FCSK: variants seen among roughly 807,000 people sequenced by gnomAD.
The protein encoded by FCSK is fucose kinase, also known as L-fucose kinase.
In FCSK, 123 loss-of-function variants were observed where a neutral mutation model predicts 122.5. That is an observed-to-expected ratio of 1.00 (90% CI 0.87 to 1.17). The LOEUF (loss-of-function observed/expected upper bound fraction) is 1.17, where lower values mean the gene tolerates loss of function less well. Ranked by LOEUF, FCSK falls within the 50% of genes most tolerant of loss-of-function variation. The probability of loss-of-function intolerance (pLI) is 0.00; values close to 1 mark genes in which losing one functional copy is unlikely to be tolerated. For synonymous variants in FCSK, 620 were observed against 625.5 expected, an observed-to-expected ratio of 0.99 and a Z score of 0.13; for missense variants, 1,366 against 1,450.4, an observed-to-expected ratio of 0.94 and a Z score of 0.95.
chr16:70,465,061 G>C (rs1430015335), intron 3 of FCSK, 65 bp from the exon 4 acceptor site: 1 of 1,600,704 alleles, frequency 6.2e-7, no homozygotes, highest in Non-Finnish European at 8.5e-7. Flanking sequence ...CTCTGGATTC[G>C]AGGGTGCCAT....
chr16:70,472,659 T>C (rs2048664765), intron 14 of FCSK, 54 bp downstream of exon 14: 3 of 1,413,632 alleles, frequency 2.1e-6, no homozygotes, highest in African/African-American at 1.4e-5. Context: ...GGGTGGCTGC[T>C]GCTCTTTGAG....
chr16:70,472,881 G>T, intron 14 of FCSK, 102 bp from the exon 15 acceptor site: 1 of 1,385,420 alleles, frequency 7.2e-7, no homozygotes, highest in South Asian at 1.5e-5. Flanking sequence ...CTACCTCGGA[G>T]GAGTCTGTCC....
intron 1 of FCSK, among the ~76,000 whole-genome samples, chr16:70,462,018 C>T (rs1043841076): frequency 2.0e-5 from 3 of 152,138 alleles, no homozygotes; most frequent in South Asian, 4.1e-4. Context: ...CCCATCCATG[C>T]GAGGGATCAC....
Position 70,474,984 on chromosome 16 carries a change from C to G in FCSK, c.2350C>G (p.Arg784Gly). 1 of 1,607,466 alleles carries G rather than the reference C, an allele frequency of 6.2e-7. No individual in the cohort carries two copies. Among genetic ancestry groups the G allele is most frequent in the Non-Finnish European group, 8.5e-7 (1 of 1,177,846 alleles). ...AGTGTGCCGGTGCCTGGCTGACCTG[C>G]GGGACTACTGCCAGCCTCATGCCCC... ...KIVCRCLADL[R>G]DYCQPHAPGA... The change falls in exon 18 of 24, where the codon CGG becomes GGG. Residue 784 changes from arginine to glycine, a missense_variant. Transcript: ENST00000288078.
intron 3 of FCSK, among the ~76,000 whole-genome samples, 189 bp downstream of exon 3, chr16:70,463,963 T>C (rs182802365): frequency 5.3e-5 from 8 of 152,222 alleles, no homozygotes; most frequent in Admixed American, 2.0e-4. Flanking sequence ...AGGGCCAGCT[T>C]TTGCAGTGTT....
intron 1 of FCSK, chr16:70,462,192 G>C (rs2048287786): frequency 6.6e-6 from 1 of 152,228 alleles, no homozygotes; most frequent in South Asian, 2.1e-4. Context: ...GTGTCAGCCA[G>C]GCTGGAGTGC....
intron 20 of FCSK, 73 bp from the exon 21 acceptor site, chr16:70,478,199 G>A: frequency 1.3e-6 from 2 of 1,507,310 alleles, no homozygotes; most frequent in Non-Finnish European, 1.8e-6. Flanking sequence ...AGGGGTGCAG[G>A]GCCGGGAGCC....
chr16:70,465,397 C>CAT, intron 4 of FCSK, among the ~76,000 whole-genome samples: 2 of 150,324 alleles, frequency 1.3e-5, no homozygotes, highest in East Asian at 4.0e-4. Flanking sequence ...GTGGCTCATG[C>CAT]CTGTAAATCT....
chr16:70,461,137 C>T (rs1334944837), intron 1 of FCSK, among the ~76,000 whole-genome samples: 1 of 152,186 alleles, frequency 6.6e-6, no homozygotes, highest in Non-Finnish European at 1.5e-5. Context: ...CTCTTCTCTT[C>T]TGGTGGCAGC....
chr16:70,460,197 C>T (rs1369958508), intron 1 of FCSK, among the ~76,000 whole-genome samples: 2 of 149,314 alleles, frequency 1.3e-5, no homozygotes. Context: ...CTGCAAGCTC[C>T]GCCTCCCGGG....
intron 20 of FCSK, 64 bp downstream of exon 20, chr16:70,475,831 T>G: frequency 6.9e-7 from 1 of 1,454,462 alleles, no homozygotes; most frequent in Non-Finnish European, 9.1e-7. Flanking sequence ...GCGGGGGGAG[T>G]GGGGCTCCCC....
chr16:70,478,711 T>C (rs1316363499), intron 22 of FCSK, 61 bp downstream of exon 22: 2 of 1,426,704 alleles, frequency 1.4e-6, no homozygotes, highest in African/African-American at 2.8e-5. Context: ...CACTTGTGGG[T>C]TTGAGGCCAG....
chr16:70,478,481 AG>A (rs761024213), intron 21 of FCSK, 22 bp downstream of exon 21: 1 of 1,613,580 alleles, frequency 6.2e-7, no homozygotes, highest in South Asian at 1.1e-5. Flanking sequence ...CCCCAGCATG[AG>A]GGAGGCAGGC....
intron 22 of FCSK, chr16:70,478,910 C>A (rs2048906413): frequency 2.9e-6 from 2 of 696,620 alleles, no homozygotes; most frequent in African/African-American, 1.7e-5. Context: ...TGGCTGAGTT[C>A]CAAGGAAGTC....
chr16:70,466,737 G>A (rs1012379299), intron 5 of FCSK, 145 bp from the exon 6 acceptor site: 11 of 660,156 alleles, frequency 1.7e-5, no homozygotes, highest in African/African-American at 1.4e-4. Flanking sequence ...GGGGAAAGTT[G>A]TAAACCCAGG....
intron 4 of FCSK, 25 bp from the exon 5 acceptor site, chr16:70,466,107 T>TC: frequency 6.2e-7 from 1 of 1,611,646 alleles, no homozygotes; most frequent in Admixed American, 1.7e-5. Flanking sequence ...CACTGAGGCT[T>TC]CCTCACCAGT....
chr16:70,461,015 C>G (rs1400746135), intron 1 of FCSK, among the ~76,000 whole-genome samples: 2 of 152,204 alleles, frequency 1.3e-5, no homozygotes, highest in Non-Finnish European at 2.9e-5. Flanking sequence ...GGATCTCTAG[C>G]TGGAATTTCC....
At chr16:70,477,337 C>T (rs1161792072) in intron 20 of FCSK, 1 of 152,116 alleles carries the variant, frequency 6.6e-6, no homozygotes. Context: ...TGCCTGCCAC[C>T]ATGCCCAGCT....
At position 70,479,762 on chromosome 16, in the gene FCSK, C is replaced by T; in HGVS notation, c.*82C>T. On this transcript the variant is annotated 3_prime_UTR_variant, in exon 24 of 24. Transcript: ENST00000288078. ...CTTGCCCCATGGGAACCTCCACCTC[C>T]TACTCCCCACCCACCTCTGCGAATC... The T allele has an allele frequency of 9.7e-7, 1 of 1,026,432 alleles. No individual in the cohort carries two copies. The highest frequency in any genetic ancestry group is 1.5e-6 in the Non-Finnish European group (1 of 686,376). 63.6% of individuals were successfully genotyped at this position (1,026,432 alleles called of 1,614,324 possible). A position where few individuals can be genotyped will look rare whatever the true frequency, so the allele number is the denominator to read the frequency against.
Sources: allele counts gnomAD v4.1 joint callset (sites outside exome capture counted in the v4.1 genomes callset), GRCh38; gene constraint gnomAD v4.1.1; transcripts MANE v1.5; gene names NCBI Gene and HGNC (gene_info 2026-07-23, HGNC 2026-07-21).